The following GALNT9 variants were observed in gnomAD, a reference collection of about 807,000 sequenced individuals.
The protein encoded by GALNT9 is GalNAc transferase 9.
A neutral mutation model predicts 63.1 loss-of-function variants in GALNT9; 47 were observed. The ratio of observed to expected loss-of-function variants is 0.75; its 90% CI spans 0.59 to 0.95. The LOEUF is 0.95. Ranked by LOEUF, GALNT9 falls within the 40% of genes least tolerant of loss-of-function variation. The probability of loss-of-function intolerance (pLI) is 0.00; values close to 1 mark genes in which losing one functional copy is unlikely to be tolerated. For synonymous variants in GALNT9, 396 were observed against 365.7 expected, an observed-to-expected ratio of 1.08 and a Z score of -0.94; for missense variants, 829 against 874.8, an observed-to-expected ratio of 0.95 and a Z score of 0.66.
Position 132,316,120 on chromosome 12 carries a change from G to A in GALNT9, c.238+12846C>T, listed in dbSNP as rs947591141. Among the ~76,000 whole-genome samples the A allele has an allele frequency of 2.0e-5, 3 of 152,254 alleles. No homozygotes were observed. Among genetic ancestry groups the A allele is most frequent in the Non-Finnish European group, 4.4e-5 (3 of 68,018 alleles). The stretch of plus-strand genomic sequence containing the variant: ...GCCTCCTCTCTCACTGAAAGAAGAG[G>A]CAGGCAGAGGCAGGAGCTGGCCGCG... On this transcript the variant is annotated intron_variant, in intron 1 of 10. Coordinates refer to ENST00000328957, the MANE Select transcript of GALNT9 (RefSeq NM_001122636.2). The surrounding 1 kb of genome is among the most constrained non-coding windows in gnomAD (Gnocchi z 4.3).
intron 1 of GALNT9, among the ~76,000 whole-genome samples, chr12:132,312,022 A>C (rs373949274): frequency 6.6e-6 from 1 of 152,198 alleles, no homozygotes; most frequent in East Asian, 1.9e-4. Context: ...CCCAGCTTCA[A>C]TTTTATCCAC....
At chr12:132,258,842 C>T (rs944917552) in intron 4 of GALNT9, among the ~76,000 whole-genome samples, 2 of 152,234 alleles carry the variant, frequency 1.3e-5, no homozygotes, top group African/African-American at 2.4e-5. Flanking sequence ...CCGCAGAGGC[C>T]CGCCGTCCAC....
chr12:132,267,995 GCACA>G (rs1280754234), intron 2 of GALNT9, among the ~76,000 whole-genome samples: 1 of 137,510 alleles, frequency 7.3e-6, no homozygotes, highest in African/African-American at 2.8e-5. Flanking sequence ...TCACACACAT[GCACA>G]CACACAGGCA....
intron 2 of GALNT9, chr12:132,280,528 T>C (rs1157233762): frequency 6.6e-6 from 1 of 152,264 alleles, no homozygotes; most frequent in East Asian, 1.9e-4. Context: ...TGGAAGCTTC[T>C]GAGAGCGGTT....
intron 9 of GALNT9, among the ~76,000 whole-genome samples, chr12:132,198,443 G>GCTGGGGCTGGGC (rs1311991668): frequency 7.0e-4 from 70 of 99,378 alleles, no homozygotes; most frequent in African/African-American, 2.1e-3. Context: ...TGGGGCTGGG[G>GCTGGGGCTGGGC]CTGGGCCTGG....
chr12:132,245,025 T>G lies in GALNT9; in HGVS notation c.1077+2885A>C, dbSNP rs896498563. 8.0e-5 allele frequency among the ~76,000 whole-genome samples: 12 copies of G among 149,318 alleles called. No homozygotes were observed. Among genetic ancestry groups the G allele is most frequent in the African/African-American group, 3.0e-4 (12 of 40,288 alleles). On this transcript the variant is annotated intron_variant, in intron 6 of 10. Transcript: ENST00000328957. This position sits in a 1 kb window ranked among gnomAD's most constrained non-coding sequence, Gnocchi z 6.3. Reference sequence around the variant, plus strand: ...AGAGGTGGCAGGGAGGGCAGGGAGGTCAGGGAGTGGAGTAAACGCTGGGCG... The same window carrying G: ...AGAGGTGGCAGGGAGGGCAGGGAGGGCAGGGAGTGGAGTAAACGCTGGGCG...
At chr12:132,197,331 C>T (rs1417902137) in intron 10 of GALNT9, 78 bp from the exon 11 acceptor site, 5 of 1,567,124 alleles carry the variant, frequency 3.2e-6, no homozygotes, top group East Asian at 4.5e-5. Flanking sequence ...GAGGCTGCTT[C>T]GTGCTCTCAG....
At chr12:132,240,535 C>G (rs1878218152) in intron 6 of GALNT9, 1 of 443,930 alleles carries the variant, frequency 2.3e-6, no homozygotes, top group South Asian at 1.6e-5. Flanking sequence ...TGCTGTGGGC[C>G]TGGCGTGGCC....
At chr12:132,199,383 AG>A in intron 8 of GALNT9, 114 bp from the exon 9 acceptor site, 2 of 735,526 alleles carry the variant, frequency 2.7e-6, no homozygotes, top group Non-Finnish European at 4.6e-6. Context: ...CGGGAGGAGG[AG>A]GGGGCGTGTG....
At chr12:132,328,876 C>G in intron 1 of GALNT9, 90 bp downstream of exon 1, 1 of 1,359,978 alleles carries the variant, frequency 7.4e-7, no homozygotes, top group South Asian at 1.6e-5. Flanking sequence ...CAGAGGGGCG[C>G]GCACCCGAGG....
intron 9 of GALNT9, among the ~76,000 whole-genome samples, 194 bp from the exon 10 acceptor site, chr12:132,198,153 C>T (rs1054507061): frequency 3.3e-5 from 5 of 152,190 alleles, no homozygotes; most frequent in Non-Finnish European, 5.9e-5. Context: ...GCGGGCTGGA[C>T]GGCGCCCAAA....
chr12:132,322,805 AC>A (rs1868864834), intron 1 of GALNT9, among the ~76,000 whole-genome samples: 1 of 152,118 alleles, frequency 6.6e-6, no homozygotes, highest in Non-Finnish European at 1.5e-5. Context: ...AACCCTTGGC[AC>A]CTTTTAAACG....
At chr12:132,207,594 C>T (rs577543295) in intron 6 of GALNT9, among the ~76,000 whole-genome samples, 8 of 152,306 alleles carry the variant, frequency 5.3e-5, no homozygotes, top group African/African-American at 1.4e-4. Flanking sequence ...GGTCCCCCAC[C>T]GTGTCTCTAG....
At chr12:132,247,114 A>G (rs1355728574) in intron 6 of GALNT9, among the ~76,000 whole-genome samples, 5 of 152,182 alleles carry the variant, frequency 3.3e-5, no homozygotes, top group Admixed American at 3.3e-4. Flanking sequence ...AAAACCTAAG[A>G]AGCAGAAGCC....
At chr12:132,317,094 C>G (rs1868548300) in intron 1 of GALNT9, among the ~76,000 whole-genome samples, 1 of 151,904 alleles carries the variant, frequency 6.6e-6, no homozygotes, top group South Asian at 2.1e-4. Context: ...CATCCTACAC[C>G]CCACAGAGCA....
At chr12:132,320,298 C>A (rs367565860) in intron 1 of GALNT9, among the ~76,000 whole-genome samples, 1 of 152,206 alleles carries the variant, frequency 6.6e-6, no homozygotes, top group Non-Finnish European at 1.5e-5. Flanking sequence ...CCTCACTTCC[C>A]GGGTTCCGAT....
At chr12:132,260,827 G>T in intron 4 of GALNT9, 121 bp downstream of exon 4, 1 of 1,345,604 alleles carries the variant, frequency 7.4e-7, no homozygotes, top group Non-Finnish European at 9.8e-7. Flanking sequence ...TGAAGGCTAC[G>T]GCGAGTCTCC....
rs143493529 is a variant in GALNT9 at position 132,216,317 on chromosome 12, C to G, written c.1078-12627G>C. Among the ~76,000 whole-genome samples the G allele has an allele frequency of 8.8e-3, 1,335 of 152,314 alleles. 20 individuals carry two copies. Among genetic ancestry groups the G allele is most frequent in the African/African-American group, 0.03 (1,268 of 41,574 alleles). On this transcript the variant is annotated intron_variant, in intron 6 of 10. Transcript: ENST00000328957. Reference sequence around the variant, plus strand: ...CAGAGAGACAGAGAGAGGGGCACAGCCCCTTGCTTCTCTCCCCACAGGGTC... The same window carrying G: ...CAGAGAGACAGAGAGAGGGGCACAGGCCCTTGCTTCTCTCCCCACAGGGTC...
rs1303789264 is a variant in GALNT9, at chr12:132,329,070, C to T, written c.134G>A (p.Arg45His). ...QELVRIVSGD[R>H]RVRSRHAKVG... Reference sequence around the variant, plus strand: ...CTTGGCGTGTCGGCTGCGCACCCGGCGGTCGCCGCTCACGATGCGCACGAG... The same window carrying T: ...CTTGGCGTGTCGGCTGCGCACCCGGTGGTCGCCGCTCACGATGCGCACGAG... Residue 45 changes from arginine (R) to histidine (H), a missense_variant, in exon 1 of 11, where the codon CGC (arginine) becomes CAC (histidine). Arg to His is a conservative substitution (Grantham distance 29). Coordinates refer to ENST00000328957, the MANE Select transcript of GALNT9 (RefSeq NM_001122636.2). The T allele has an allele frequency of 7.8e-6, 12 of 1,547,410 alleles. No homozygotes were observed. In the East Asian group the frequency reaches 9.8e-5, roughly 13 times the overall value.
Sources: gnomAD v4.1 joint callset for allele counts (sites outside exome capture counted in the v4.1 genomes callset) on GRCh38, gnomAD v4.1.1 for gene constraint, Gnocchi (gnomAD v3.1) non-coding constraint, MANE v1.5 for transcripts, NCBI Gene and HGNC (gene_info 2026-07-23, HGNC 2026-07-21) for gene names.